The following PPP1R16B variants were observed in gnomAD, a reference collection of about 807,000 sequenced individuals.
PPP1R16B encodes the protein protein phosphatase 1 regulatory subunit 16B.
PPP1R16B carries 14 observed loss-of-function variants against 61.7 expected under a neutral mutation model. The observed-to-expected ratio is 0.23, with a 90% CI of 0.15 to 0.35. PPP1R16B has a LOEUF of 0.35. PPP1R16B is among the 10% of genes least tolerant of loss of function. The pLI is 1.00. For synonymous variants in PPP1R16B, 266 were observed against 305.3 expected, an observed-to-expected ratio of 0.87 and a Z score of 1.34; for missense variants, 547 against 752.5, an observed-to-expected ratio of 0.73 and a Z score of 3.19.
intron 10 of PPP1R16B, among the ~76,000 whole-genome samples, chr20:38,913,071 A>G (rs1057004031): frequency 6.6e-6 from 1 of 151,134 alleles, no homozygotes; most frequent in Non-Finnish European, 1.5e-5. Flanking sequence ...GGGTTTCCCC[A>G]TGTTGGCCAG....
chr20:38,901,544 G>A (rs1008344070), intron 5 of PPP1R16B, among the ~76,000 whole-genome samples: 1 of 152,050 alleles, frequency 6.6e-6, no homozygotes, highest in Non-Finnish European at 1.5e-5. Flanking sequence ...CAAGTAGCTG[G>A]GATTATAGGC....
At chr20:38,848,124 G>A (rs7271220) in intron 2 of PPP1R16B, among the ~76,000 whole-genome samples, 4,829 of 152,206 alleles carry the variant, frequency 0.032, 98 homozygotes, top group Non-Finnish European at 0.05. Flanking sequence ...CGACCATGTA[G>A]CCTGCAAAGG....
chr20:38,813,696 G>A (rs1325114488), intron 1 of PPP1R16B, among the ~76,000 whole-genome samples: 3 of 151,802 alleles, frequency 2.0e-5, no homozygotes, highest in Non-Finnish European at 4.4e-5. Context: ...TACTTATTAT[G>A]AGCCAGGTGC....
chr20:38,859,260 TG>T (rs2085030307), intron 2 of PPP1R16B, among the ~76,000 whole-genome samples: 1 of 146,500 alleles, frequency 6.8e-6, no homozygotes, highest in Non-Finnish European at 1.5e-5. Context: ...AGCCTGTGGG[TG>T]GGGAACGGGG....
At position 38,881,613 on chromosome 20, in the gene PPP1R16B, A is replaced by T. The variant is rs117219011; in HGVS notation, c.251-7982A>T. On this transcript the variant is annotated intron_variant, in intron 2 of 10. Transcript: ENST00000299824. ...GGAGATGCAGCAGGGAGACCGACAG[A>T]GGTGGCGCTGGACCTCAGGCTCAGT... Among the ~76,000 whole-genome samples the T allele has an allele frequency of 6.7e-3, 1,018 of 152,320 alleles. 8 individuals are homozygous for T. The highest frequency in any genetic ancestry group is 0.011 in the Non-Finnish European group (728 of 68,028).
At chr20:38,875,584 A>G (rs1170256860) in intron 2 of PPP1R16B, among the ~76,000 whole-genome samples, 1 of 152,232 alleles carries the variant, frequency 6.6e-6, no homozygotes, top group East Asian at 1.9e-4. Flanking sequence ...ACAAAATCAA[A>G]CACCCGCAAA....
At chr20:38,837,232 G>A (rs368342017) in intron 2 of PPP1R16B, among the ~76,000 whole-genome samples, 14 of 152,148 alleles carry the variant, frequency 9.2e-5, no homozygotes, top group Admixed American at 7.2e-4. Context: ...TCTATACTTC[G>A]TTTACACCTC....
Position 38,864,449 on chromosome 20 carries a change from C to A in PPP1R16B, c.251-25146C>A, listed in dbSNP as rs754527543. 7.5e-4 allele frequency among the ~76,000 whole-genome samples: 114 copies of A among 152,316 alleles called. 2 individuals carry two copies. Among genetic ancestry groups the A allele is most frequent in the Non-Finnish European group, 1.0e-4 (7 of 68,034 alleles). The stretch of plus-strand genomic sequence containing the variant: ...TGGCTTAAATTGCTTCCTAAATATT[C>A]ACCCATTTCATTCTCACAACAACCT... On this transcript the variant is annotated intron_variant, in intron 2 of 10. Transcript: ENST00000299824.
At position 38,816,186 on chromosome 20, in the gene PPP1R16B, T is replaced by C. The variant is rs568538806; in HGVS notation, c.-102+10394T>C. 2.0e-4 allele frequency among the ~76,000 whole-genome samples: 30 copies of C among 152,236 alleles called. 2 individuals are homozygous for C. The South Asian group carries it at 6.2e-3, about 32-fold the overall frequency. On this transcript the variant is annotated intron_variant, in intron 1 of 10. Coordinates refer to ENST00000299824, the MANE Select transcript of PPP1R16B (RefSeq NM_015568.4). ...TTTTAGAATAGTCTCTTTGGTAGTT[T>C]CCATGTTCACAAATAGGGTTTGTTT...
chr20:38,903,361 T>C (rs1601306317), intron 6 of PPP1R16B, among the ~76,000 whole-genome samples: 1 of 152,164 alleles, frequency 6.6e-6, no homozygotes, highest in Admixed American at 6.5e-5. Context: ...CGTGCTTTCT[T>C]GCTTTGCACT....
At position 38,919,157 on chromosome 20, in the gene PPP1R16B, A is replaced by G. The variant is rs1357090411; in HGVS notation, c.*491A>G. The G allele has an allele frequency of 2.0e-5, 3 of 153,170 alleles. No homozygotes were observed. Among genetic ancestry groups the G allele is most frequent in the African/African-American group, 7.2e-5 (3 of 41,438 alleles). The allele number at this position is 153,170 out of a possible 1,614,324, so 9.5% of individuals were successfully genotyped here. ...GACTCAGAGTCTCATTACCACTGCC[A>G]ATGTGGTTTTAGCAGGGGAGGGGAC... is the stretch of plus-strand genomic sequence containing the variant. On this transcript the variant is annotated 3_prime_UTR_variant, in exon 11 of 11. Transcript: ENST00000299824.
intron 2 of PPP1R16B, among the ~76,000 whole-genome samples, chr20:38,871,705 G>A (rs1452115705): frequency 1.3e-5 from 2 of 150,788 alleles, no homozygotes; most frequent in Non-Finnish European, 3.0e-5. Context: ...AAAGGGGAAG[G>A]AACAGAGGGA....
At chr20:38,895,959 T>C (rs141413756) in intron 4 of PPP1R16B, among the ~76,000 whole-genome samples, 3,459 of 30,060 alleles carry the variant, frequency 0.12, 159 homozygotes, top group South Asian at 0.25. Flanking sequence ...CTCCCTCCTT[T>C]CTTCTTTCTT....
At chr20:38,815,514 A>G (rs757039176) in intron 1 of PPP1R16B, among the ~76,000 whole-genome samples, 16 of 152,198 alleles carry the variant, frequency 1.1e-4, no homozygotes, top group Non-Finnish European at 2.2e-4. Context: ...TACTCTACAT[A>G]CTGATGATTT....
chr20:38,815,532 A>T (rs2084730015), intron 1 of PPP1R16B, among the ~76,000 whole-genome samples: 1 of 152,230 alleles, frequency 6.6e-6, no homozygotes, highest in African/African-American at 2.4e-5. Context: ...TTTTATTCAT[A>T]AGGAAAATTC....
At chr20:38,865,252 G>T (rs1416720830) in intron 2 of PPP1R16B, among the ~76,000 whole-genome samples, 4 of 151,590 alleles carry the variant, frequency 2.6e-5, no homozygotes, top group African/African-American at 9.7e-5. Flanking sequence ...CTTGCACAGG[G>T]CACCTACCCT....
chr20:38,851,148 C>T (rs1016256144), intron 2 of PPP1R16B, among the ~76,000 whole-genome samples: 11 of 150,562 alleles, frequency 7.3e-5, no homozygotes, highest in African/African-American at 2.4e-4. Context: ...GCAGGAGTCT[C>T]GACAATTAAA....
At chr20:38,883,739 TC>T (rs999079161) in intron 2 of PPP1R16B, among the ~76,000 whole-genome samples, 1 of 152,234 alleles carries the variant, frequency 6.6e-6, no homozygotes, top group African/African-American at 2.4e-5. Context: ...ATGGTTGTAT[TC>T]CCAGCATCCA....
chr20:38,872,491 A>G lies in PPP1R16B; in HGVS notation c.251-17104A>G, dbSNP rs142446704. Among the ~76,000 whole-genome samples the G allele has an allele frequency of 6.0e-3, 912 of 152,308 alleles. 2 individuals carry two copies. The highest frequency in any genetic ancestry group is 0.01 in the Admixed American group (153 of 15,300). ...GAGGAAGCTGGAGACACCATTCTCA[A>G]ACTTGACAGTGCACTGGAATCACTG... On this transcript the variant is annotated intron_variant, in intron 2 of 10. Coordinates refer to ENST00000299824, the MANE Select transcript of PPP1R16B (RefSeq NM_015568.4).
Sources: allele counts gnomAD v4.1 joint callset (sites outside exome capture counted in the v4.1 genomes callset), GRCh38; gene constraint gnomAD v4.1.1; transcripts MANE v1.5; gene names NCBI Gene and HGNC (gene_info 2026-07-23, HGNC 2026-07-21).